Variants in MYO5C observed in about 807,000 individuals in gnomAD.
MYO5C encodes the protein unconventional myosin-Vc.
Under a neutral mutation model 235.7 loss-of-function variants are expected in MYO5C, and 194 were observed. The observed-to-expected ratio is 0.82, with a 90% CI of 0.73 to 0.93. MYO5C has a LOEUF of 0.93. Among genes scored for constraint, MYO5C ranks in the 40% least tolerant of loss-of-function variants. MYO5C has a pLI of 0.00. For missense variants in MYO5C, 2,038 were observed against 2,127.2 expected, an observed-to-expected ratio of 0.96 and a Z score of 0.82; for synonymous variants, 707 against 754.8, an observed-to-expected ratio of 0.94 and a Z score of 1.04.
At chr15:52,207,180 G>C (rs1291137516) in intron 36 of MYO5C, among the ~76,000 whole-genome samples, 4 of 151,856 alleles carry the variant, frequency 2.6e-5, no homozygotes, top group Non-Finnish European at 5.9e-5. Context: ...TGTGGTAAGA[G>C]ACAGAGGTGA....
chr15:52,295,219 G>C (rs866794531), intron 1 of MYO5C, among the ~76,000 whole-genome samples: 2 of 152,318 alleles, frequency 1.3e-5, no homozygotes, highest in South Asian at 2.1e-4. Context: ...GTGGTAGGAA[G>C]GGACCGAGGC....
chr15:52,199,919 G>A (rs1001953606), intron 38 of MYO5C, among the ~76,000 whole-genome samples: 1 of 152,146 alleles, frequency 6.6e-6, no homozygotes, highest in Non-Finnish European at 1.5e-5. Flanking sequence ...CACCAAAAAG[G>A]GGGCAGAAAG....
At chr15:52,214,233 T>C (rs1217603992) in intron 33 of MYO5C, among the ~76,000 whole-genome samples, 1 of 152,190 alleles carries the variant, frequency 6.6e-6, no homozygotes, top group East Asian at 1.9e-4. Context: ...TCTACTTTTC[T>C]AATAGAAATT....
intron 19 of MYO5C, among the ~76,000 whole-genome samples, chr15:52,243,967 C>T (rs906952695): frequency 2.0e-5 from 3 of 152,214 alleles, no homozygotes; most frequent in Non-Finnish European, 2.9e-5. Flanking sequence ...GCAGGCTGGT[C>T]GCTGGCTATT....
At chr15:52,254,552 GAGAGTCCTACCCAA>G (rs1180799107) in intron 11 of MYO5C, among the ~76,000 whole-genome samples, 1 of 152,072 alleles carries the variant, frequency 6.6e-6, no homozygotes, top group Admixed American at 6.6e-5. Flanking sequence ...TGGAGATCAG[GAGAGTCCTACCCAA>G]AGCTTTCTGT....
Position 52,275,618 on chromosome 15 carries a change from A to G in MYO5C, c.550T>C (p.Ser184Pro), listed in dbSNP as rs1280357360. The G allele has an allele frequency of 1.9e-6, 3 of 1,614,142 alleles. No individual in the cohort carries two copies. The highest frequency in any genetic ancestry group is 2.2e-5 in the East Asian group (1 of 44,884). The change falls in exon 5 of 41, where the codon TCG becomes CCG. Residue 184 changes from serine to proline, a missense_variant. Ser to Pro is a moderately conservative substitution (Grantham distance 74). Transcript: ENST00000261839. ...AMRYFATVSK[S>P]GSNAHVEDKV... ...TCTTCCACGTGAGCGTTGCTGCCCG[A>G]TTTGCTGACGGTGGCAAAGTACCTC...
intron 33 of MYO5C, among the ~76,000 whole-genome samples, chr15:52,214,355 A>G (rs765298631): frequency 5.3e-5 from 8 of 152,240 alleles, no homozygotes; most frequent in Non-Finnish European, 1.2e-4. Context: ...TAACAGAGGA[A>G]GAGGTTAATG....
At chr15:52,295,517 G>GT (rs1404864937) in intron 1 of MYO5C, 93 bp downstream of exon 1, 1 of 1,402,354 alleles carries the variant, frequency 7.1e-7, no homozygotes, top group Non-Finnish European at 9.5e-7. Flanking sequence ...AGGTGCGCAG[G>GT]TGTGGCAGGT....
At chr15:52,242,284 T>C in intron 19 of MYO5C, 71 bp from the exon 20 acceptor site, 1 of 1,484,022 alleles carries the variant, frequency 6.7e-7, no homozygotes. Context: ...AGCTGCAAGC[T>C]TGGCTAGCAT....
rs993188443 is a variant in MYO5C at position 52,214,646 on chromosome 15, C to A, written c.3999G>T (p.Lys1333Asn). 4 of 1,608,512 alleles carry A rather than the reference C, an allele frequency of 2.5e-6. No individual in the cohort carries two copies. The African/African-American group carries it at 4.0e-5, about 16-fold the overall frequency. The part of the protein sequence containing the change: ...ELDMKDRVIK[K>N]LQDQVKTLSK... ...TTAGTGTCTTGACTTGATCTTGTAG[C>A]TTTTTAATCACTCTGTCTTTCATGT... The change falls in exon 33 of 41, where the codon AAG (lysine) becomes AAT (asparagine). Residue 1333 changes from lysine to asparagine, a missense_variant. Physicochemically the swap from Lys to Asn is moderately conservative, Grantham distance 94. Transcript: ENST00000261839.
rs953785876 is a variant in MYO5C, at chr15:52,275,446, C to T, written c.606+116G>A. ...AAATAGGCTTCCCGGGTCTTTCCTG[C>T]CCTCACTTCTTTAGTCTTTAAAGGG... On this transcript the variant is annotated intron_variant, in intron 5 of 40. Coordinates refer to ENST00000261839, the MANE Select transcript of MYO5C (RefSeq NM_018728.4). The T allele has an allele frequency of 2.2e-5, 29 of 1,307,244 alleles. No homozygotes were observed. The African/African-American group carries it at 3.9e-4, about 18-fold the overall frequency. 81.0% of individuals were successfully genotyped at this position (1,307,244 alleles called of 1,614,324 possible).
intron 24 of MYO5C, among the ~76,000 whole-genome samples, chr15:52,231,709 C>T (rs1200423710): frequency 1.3e-5 from 2 of 152,142 alleles, no homozygotes; most frequent in African/African-American, 2.4e-5. Flanking sequence ...CCACAGGCAG[C>T]CCTGAGCTTC....
At chr15:52,208,188 T>C (rs1351889800) in intron 36 of MYO5C, among the ~76,000 whole-genome samples, 1 of 152,192 alleles carries the variant, frequency 6.6e-6, no homozygotes, top group Non-Finnish European at 1.5e-5. Context: ...GGAAACATAT[T>C]TATAGATTAT....
Position 52,213,214 on chromosome 15 carries a change from G to A in MYO5C, c.4115C>T (p.Ala1372Val), listed in dbSNP as rs368117736. The change falls in exon 34 of 41, where the codon GCC becomes GTC. Residue 1372 changes from alanine (A) to valine (V), a missense_variant. Ala to Val is a moderately conservative substitution (Grantham distance 64, BLOSUM62 0). Transcript: ENST00000261839. ...AAGAATGAGGTTCTGAATGAGCTTG[G>A]CCTCGTCTTCTCTCTTGTATTGCAG... The part of the protein sequence containing the change: ...GMLQYKREDE[A>V]KLIQNLILDL... The A allele has an allele frequency of 1.2e-6, 2 of 1,613,940 alleles. No homozygotes were observed. The highest frequency in any genetic ancestry group is 2.7e-5 in the African/African-American group (2 of 74,910).
chr15:52,255,055 G>A (rs565052740), intron 11 of MYO5C, among the ~76,000 whole-genome samples: 4 of 151,414 alleles, frequency 2.6e-5, no homozygotes, highest in Admixed American at 2.6e-4. Flanking sequence ...TCAATGTTAG[G>A]TCTTCTCACA....
chr15:52,247,579 GCA>G lies in MYO5C; in HGVS notation c.1758_1759del (p.Ala587GlnfsTer20). 6.2e-7 allele frequency: 1 copy of G among 1,614,092 alleles called. No individual in the cohort carries two copies. On this transcript the variant is annotated frameshift_variant, in exon 15 of 41. Coordinates refer to ENST00000261839, the MANE Select transcript of MYO5C (RefSeq NM_018728.4). LOFTEE classifies it high-confidence loss of function. ...AGTTGGATTTTCTTGAAAAAAGTTG[GCA>G]CAGAGATGAAACTGGAAGGAACAGA...
chr15:52,214,442 A>C (rs2035510294), intron 33 of MYO5C, among the ~76,000 whole-genome samples, 161 bp downstream of exon 33: 2 of 152,176 alleles, frequency 1.3e-5, no homozygotes, highest in South Asian at 4.1e-4. Flanking sequence ...TGTCTTCCTG[A>C]CCCAAAGGAT....
At chr15:52,267,346 A>G (rs1261033087) in intron 8 of MYO5C, among the ~76,000 whole-genome samples, 1 of 152,196 alleles carries the variant, frequency 6.6e-6, no homozygotes, top group African/African-American at 2.4e-5. Context: ...ATGCTTCCTC[A>G]CGAGTTGTCA....
intron 38 of MYO5C, among the ~76,000 whole-genome samples, chr15:52,198,224 ACTCGGGAGG>A (rs2035098932): frequency 6.6e-6 from 1 of 152,082 alleles, no homozygotes; most frequent in African/African-American, 2.4e-5. Flanking sequence ...AATCCCAGCT[ACTCGGGAGG>A]CTGAGACAGG....
Sources: allele counts gnomAD v4.1 joint callset (sites outside exome capture counted in the v4.1 genomes callset), GRCh38; gene constraint gnomAD v4.1.1; transcripts MANE v1.5; gene names NCBI Gene and HGNC (gene_info 2026-07-23, HGNC 2026-07-21).